YIPF6: variants seen among roughly 807,000 people sequenced by gnomAD.
The protein encoded by YIPF6 is Yip1 domain family member 6, also known as protein YIPF6.
Under a neutral mutation model 16.8 loss-of-function variants are expected in YIPF6, and 3 were observed. That is an observed-to-expected ratio of 0.18 (90% CI 0.08 to 0.46). The LOEUF is 0.46. Ranked by LOEUF, YIPF6 falls within the 20% of genes least tolerant of loss-of-function variation. The pLI is 0.98. For synonymous variants in YIPF6, 67 were observed against 61.9 expected, an observed-to-expected ratio of 1.08 and a Z score of -0.38; for missense variants, 145 against 184.9, an observed-to-expected ratio of 0.78 and a Z score of 1.25.
In YIPF6 at chrX:68,513,308, A is replaced by AGTT; in HGVS notation, c.187-15_187-13dup. The AGTT allele has an allele frequency of 8.4e-7, 1 of 1,188,448 alleles. No homozygotes were observed. Among genetic ancestry groups the AGTT allele is most frequent in the Non-Finnish European group, 1.1e-6 (1 of 881,271 alleles). ...CAACCTTGGTCATCACAATACAACA[A>AGTT]GTTGTTTCTGTCTTTCAGATGCGTG... On this transcript the variant is annotated intron_variant, in intron 2 of 6. Transcript: ENST00000462683.
intron 6 of YIPF6, among the ~76,000 whole-genome samples, chrX:68,523,880 C>T (rs1236228733): frequency 8.9e-6 from 1 of 111,828 alleles, no homozygotes; most frequent in African/African-American, 3.2e-5. Flanking sequence ...CTCATAATTA[C>T]CATAAATGTA....
At chrX:68,511,331 C>T in intron 1 of YIPF6, among the ~76,000 whole-genome samples, 1 of 112,569 alleles carries the variant, frequency 8.9e-6, no homozygotes. Context: ...TCTTTATTCA[C>T]TTTGAAAATT....
At chrX:68,500,764 A>C (rs1447370269) in intron 1 of YIPF6, among the ~76,000 whole-genome samples, 1 of 111,694 alleles carries the variant, frequency 9.0e-6, no homozygotes, top group Non-Finnish European at 1.9e-5. Context: ...ATCCGCTACT[A>C]TGTTCCAGGC....
chrX:68,503,197 C>T (rs989986800), intron 1 of YIPF6, among the ~76,000 whole-genome samples: 1 of 112,063 alleles, frequency 8.9e-6, no homozygotes, highest in East Asian at 2.8e-4. Context: ...CTTCATGCTT[C>T]CCCGTGTTGA....
At chrX:68,500,852 T>G (rs1174416351) in intron 1 of YIPF6, among the ~76,000 whole-genome samples, 2 of 112,138 alleles carry the variant, frequency 1.8e-5, no homozygotes, top group Non-Finnish European at 3.8e-5. Flanking sequence ...AAAATCAGGC[T>G]GAACCCCAGT....
intron 1 of YIPF6, among the ~76,000 whole-genome samples, chrX:68,502,110 G>A (rs984114756): frequency 8.9e-6 from 1 of 111,907 alleles, no homozygotes; most frequent in Non-Finnish European, 1.9e-5. Context: ...GCTACAAAGA[G>A]CCAGTGGAAA....
At chrX:68,523,153 A>T (rs778587164) in intron 6 of YIPF6, among the ~76,000 whole-genome samples, 1 of 109,653 alleles carries the variant, frequency 9.1e-6, no homozygotes, top group East Asian at 2.9e-4. Flanking sequence ...AAAAAAAAAA[A>T]GGTTGGGAAA....
chrX:68,502,899 G>A (rs772705157), intron 1 of YIPF6, among the ~76,000 whole-genome samples: 71 of 108,653 alleles, frequency 6.5e-4, no homozygotes, highest in African/African-American at 2.4e-3. Context: ...TGCCACCTCG[G>A]CTCACTGCAA....
intron 1 of YIPF6, among the ~76,000 whole-genome samples, chrX:68,506,428 G>A (rs757135764): frequency 9.1e-6 from 1 of 110,470 alleles, no homozygotes; most frequent in South Asian, 3.9e-4. Flanking sequence ...GGCTGGGCAC[G>A]GTGGCTCATA....
intron 6 of YIPF6, among the ~76,000 whole-genome samples, chrX:68,530,765 C>T (rs1193430249): frequency 9.0e-6 from 1 of 111,074 alleles, no homozygotes; most frequent in Non-Finnish European, 1.9e-5. Context: ...GATTCCCCAC[C>T]CTGCTTCAGC....
At chrX:68,520,416 T>C (rs1490917508) in intron 4 of YIPF6, among the ~76,000 whole-genome samples, 2 of 112,399 alleles carry the variant, frequency 1.8e-5, no homozygotes, top group Non-Finnish European at 3.8e-5. Flanking sequence ...AATCTGTATG[T>C]TTTGATTTTT....
chrX:68,502,162 A>G (rs2079043185), intron 1 of YIPF6, among the ~76,000 whole-genome samples: 1 of 111,747 alleles, frequency 8.9e-6, no homozygotes, highest in Non-Finnish European at 1.9e-5. Flanking sequence ...ATTGGACAAC[A>G]TAATAGAGGG....
At chrX:68,517,033 G>A (rs1254076450) in intron 3 of YIPF6, among the ~76,000 whole-genome samples, 2 of 111,131 alleles carry the variant, frequency 1.8e-5, no homozygotes, top group Non-Finnish European at 3.8e-5. Context: ...TGTTGGCCAG[G>A]CTCATCTCAA....
intron 1 of YIPF6, among the ~76,000 whole-genome samples, chrX:68,510,490 A>G (rs910259860): frequency 9.0e-6 from 1 of 110,703 alleles, no homozygotes; most frequent in Non-Finnish European, 1.9e-5. Flanking sequence ...CCTTTAAAAA[A>G]AAATTCTATG....
At chrX:68,524,620 C>T (rs1216693677) in intron 6 of YIPF6, among the ~76,000 whole-genome samples, 2 of 109,275 alleles carry the variant, frequency 1.8e-5, no homozygotes, top group Non-Finnish European at 3.8e-5. Flanking sequence ...TTGCTGCACC[C>T]ATCAACCCAT....
intron 6 of YIPF6, among the ~76,000 whole-genome samples, chrX:68,524,230 A>G (rs1433882742): frequency 9.0e-6 from 1 of 110,759 alleles, no homozygotes; most frequent in Non-Finnish European, 1.9e-5. Context: ...GTGCAGTGGC[A>G]CTATCTCGGC....
intron 3 of YIPF6, 129 bp downstream of exon 3, chrX:68,513,534 C>A: frequency 5.7e-6 from 2 of 352,415 alleles, no homozygotes; most frequent in Non-Finnish European, 9.4e-6. Flanking sequence ...AATATGTAAA[C>A]GAATATGTAA....
chrX:68,530,817 T>A (rs1306330151), intron 6 of YIPF6, among the ~76,000 whole-genome samples: 1 of 111,212 alleles, frequency 9.0e-6, no homozygotes, highest in Non-Finnish European at 1.9e-5. Context: ...CCAGTCCCAA[T>A]GAGATGAACT....
Position 68,537,250 on chromosome X carries a change from C to T in YIPF6, c.*5251C>T, listed in dbSNP as rs769792476. The stretch of plus-strand genomic sequence containing the variant: ...GAAAAATCTGTAAAAAGATTTGTGA[C>T]TATTAAATGTGCAACTAAAAACACT... On this transcript the variant is annotated 3_prime_UTR_variant, in exon 7 of 7. Coordinates refer to ENST00000462683, the MANE Select transcript of YIPF6 (RefSeq NM_173834.4). 2.1e-3 allele frequency: 234 copies of T among 111,955 alleles called. 2 individuals are homozygous for T. Among genetic ancestry groups the T allele is most frequent in the African/African-American group, 7.4e-3 (227 of 30,846 alleles). 9.2% of individuals were successfully genotyped at this position (111,955 alleles called of 1,213,427 possible). A position where few individuals can be genotyped will look rare whatever the true frequency, so the allele number is the denominator to read the frequency against.
Sources: gnomAD v4.1 joint callset for allele counts (sites outside exome capture counted in the v4.1 genomes callset) on GRCh38, gnomAD v4.1.1 for gene constraint, MANE v1.5 for transcripts, NCBI Gene and HGNC (gene_info 2026-07-23, HGNC 2026-07-21) for gene names.